The following IQCK variants were observed in gnomAD, a reference collection of about 807,000 sequenced individuals.
The protein encoded by IQCK is IQ domain-containing protein K.
A neutral mutation model predicts 28.1 loss-of-function variants in IQCK; 29 were observed. The observed-to-expected ratio is 1.03, with a 90% confidence interval of 0.77 to 1.41. The LOEUF is 1.41. Among genes scored for constraint, IQCK ranks in the 40% most tolerant of loss-of-function variants. The probability of loss-of-function intolerance (pLI) is 0.00; values close to 1 mark genes in which losing one functional copy is unlikely to be tolerated. For missense variants in IQCK, 359 were observed against 314.7 expected (o/e 1.14, Z -1.07); for synonymous variants, 113 against 115.1 (o/e 0.98, Z 0.12).
intron 1 of IQCK, among the ~76,000 whole-genome samples, chr16:19,719,768 G>A (rs942000573): frequency 2.7e-5 from 4 of 146,402 alleles, no homozygotes; most frequent in Non-Finnish European, 4.5e-5. Flanking sequence ...TCCGCCTCCC[G>A]GGTTCAAGCA....
At chr16:19,747,553 G>T (rs1597514878) in intron 4 of IQCK, among the ~76,000 whole-genome samples, 1 of 150,854 alleles carries the variant, frequency 6.6e-6, no homozygotes, top group East Asian at 1.9e-4. Flanking sequence ...TGCATAGATT[G>T]CACAGTGGCA....
At position 19,816,471 on chromosome 16, in the gene IQCK, G is replaced by A. The variant is rs1054300862; in HGVS notation, c.691-10555G>A. ...TAATTTTTGTATTTTTAGTAGAGAC[G>A]GGGTTTCACCATGTTGGCCAGGCTG... On this transcript the variant is annotated intron_variant, in intron 7 of 7. Transcript: ENST00000564186. 4.8e-4 allele frequency among the ~76,000 whole-genome samples: 73 copies of A among 152,014 alleles called. 1 individual carries two copies. The highest frequency in any genetic ancestry group is 1.5e-3 in the African/African-American group (64 of 41,362).
intron 7 of IQCK, among the ~76,000 whole-genome samples, chr16:19,820,879 A>G (rs2141081667): frequency 6.6e-6 from 1 of 152,344 alleles, no homozygotes; most frequent in South Asian, 2.1e-4. Flanking sequence ...GGAGGGAGAA[A>G]AAAGTAAACA....
intron 9 of IQCK, among the ~76,000 whole-genome samples, chr16:19,839,808 T>C (rs2056343892): frequency 6.6e-6 from 1 of 151,764 alleles, no homozygotes; most frequent in Admixed American, 6.6e-5. Context: ...CTGGGCAGTG[T>C]TAAGAGACCC....
chr16:19,718,442 G>C (rs1465216966), exon 1 of IQCK: 2 of 1,606,616 alleles, frequency 1.2e-6, no homozygotes, highest in South Asian at 2.2e-5. Flanking sequence ...GTCGTGGCAG[G>C]TCACCGAGCC....
intron 7 of IQCK, among the ~76,000 whole-genome samples, chr16:19,807,523 A>G (rs1230754537): frequency 6.6e-6 from 1 of 152,218 alleles, no homozygotes; most frequent in Non-Finnish European, 1.5e-5. Flanking sequence ...TATTATCATC[A>G]TCAACTGGCA....
At chr16:19,803,253 C>T (rs1208879043) in intron 7 of IQCK, among the ~76,000 whole-genome samples, 1 of 152,174 alleles carries the variant, frequency 6.6e-6, no homozygotes, top group East Asian at 1.9e-4. Context: ...AGCAATTCTC[C>T]TGCCTCAGCC....
At chr16:19,852,535 T>C (rs542259210) in intron 9 of IQCK, among the ~76,000 whole-genome samples, 1 of 152,320 alleles carries the variant, frequency 6.6e-6, no homozygotes, top group African/African-American at 2.4e-5. Flanking sequence ...CTTTTCACGT[T>C]TGTATGCATC....
At chr16:19,742,723 G>A (rs933562374) in intron 4 of IQCK, among the ~76,000 whole-genome samples, 5 of 152,110 alleles carry the variant, frequency 3.3e-5, no homozygotes, top group Admixed American at 1.3e-4. Flanking sequence ...GCTGATCTGC[G>A]TTTTGCCCTT....
chr16:19,774,488 A>G (rs2055364175), intron 6 of IQCK, among the ~76,000 whole-genome samples: 3 of 142,094 alleles, frequency 2.1e-5, no homozygotes, highest in East Asian at 4.2e-4. Context: ...GCTCACTGCA[A>G]CCTCTGCCTC....
downstream of IQCK, among the ~76,000 whole-genome samples, chr16:19,831,522 G>A (rs2056233238): frequency 2.0e-5 from 3 of 152,084 alleles, no homozygotes; most frequent in Admixed American, 1.3e-4. Flanking sequence ...CCCAGCCAAG[G>A]TGACACCTCA....
At chr16:19,826,601 C>T (rs1432565074) in intron 7 of IQCK, among the ~76,000 whole-genome samples, 1 of 152,224 alleles carries the variant, frequency 6.6e-6, no homozygotes, top group Non-Finnish European at 1.5e-5. Context: ...TGGTCTCGAA[C>T]TCCTGACCTC....
At chr16:19,749,779 A>G (rs2054961192) in intron 4 of IQCK, among the ~76,000 whole-genome samples, 1 of 152,024 alleles carries the variant, frequency 6.6e-6, no homozygotes, top group Non-Finnish European at 1.5e-5. Flanking sequence ...AGGAAAAAAA[A>G]AAAAGAAAAA....
At chr16:19,727,585 A>ACC (rs10609957) in intron 1 of IQCK, among the ~76,000 whole-genome samples, 101 of 122,988 alleles carry the variant, frequency 8.2e-4, no homozygotes, top group African/African-American at 2.0e-3. Flanking sequence ...AGACTTTGTC[A>ACC]CCCCCCCCCC....
downstream of IQCK, among the ~76,000 whole-genome samples, chr16:19,830,165 T>G (rs778131371): frequency 6.6e-6 from 1 of 152,244 alleles, no homozygotes; most frequent in Admixed American, 6.5e-5. Context: ...TATCACTGTT[T>G]GGCTGGCTCA....
intron 4 of IQCK, chr16:19,735,995 G>A (rs1017765996): frequency 2.7e-5 from 11 of 407,146 alleles, no homozygotes; most frequent in African/African-American, 2.3e-4. Context: ...GAGGCCCAAA[G>A]TTTGAGGTTG....
At chr16:19,822,877 A>C (rs542522108) in intron 7 of IQCK, among the ~76,000 whole-genome samples, 1 of 152,240 alleles carries the variant, frequency 6.6e-6, no homozygotes, top group African/African-American at 2.4e-5. Context: ...TTTTAAAAAA[A>C]TCACTAAGGT....
At chr16:19,760,148 T>G (rs1268055099) in intron 4 of IQCK, among the ~76,000 whole-genome samples, 1 of 152,108 alleles carries the variant, frequency 6.6e-6, no homozygotes, top group Non-Finnish European at 1.5e-5. Context: ...ATATATAATT[T>G]TTTAAAAAGA....
chr16:19,721,713 A>G (rs962890076), intron 1 of IQCK, among the ~76,000 whole-genome samples: 8 of 151,866 alleles, frequency 5.3e-5, no homozygotes, highest in Non-Finnish European at 1.0e-4. Context: ...AGCCTCCCAA[A>G]TAGCTGGGAT....
Sources: allele counts gnomAD v4.1 joint callset (sites outside exome capture counted in the v4.1 genomes callset), GRCh38; gene constraint gnomAD v4.1.1; transcripts MANE v1.5; gene names NCBI Gene and HGNC (gene_info 2026-07-23, HGNC 2026-07-21).